Variants in SIPA1L1 observed in about 807,000 individuals in gnomAD.
SIPA1L1 encodes the protein signal-induced proliferation-associated 1-like protein 1.
A neutral mutation model predicts 162.7 loss-of-function variants in SIPA1L1; 26 were observed. That is an observed-to-expected ratio of 0.16 (90% CI 0.12 to 0.22). The LOEUF is 0.22. Among genes scored for constraint, SIPA1L1 ranks in the 10% least tolerant of loss-of-function variants. SIPA1L1 has a pLI of 1.00. For missense variants in SIPA1L1, 1,874 were observed against 2,241.0 expected, an observed-to-expected ratio of 0.84 and a Z score of 3.31; for synonymous variants, 829 against 837.4, an observed-to-expected ratio of 0.99 and a Z score of 0.17.
intron 5 of SIPA1L1, among the ~76,000 whole-genome samples, chr14:71,608,975 C>T (rs945223858): frequency 6.6e-6 from 1 of 152,044 alleles, no homozygotes; most frequent in Non-Finnish European, 1.5e-5. Flanking sequence ...AAAATAGAAA[C>T]TATAGAAAAT....
At chr14:71,468,827 A>T (rs1223717965) in intron 2 of SIPA1L1, among the ~76,000 whole-genome samples, 1 of 152,186 alleles carries the variant, frequency 6.6e-6, no homozygotes. Context: ...CCATCATGAA[A>T]AGTCTCAGCT....
Position 71,537,614 on chromosome 14 carries a change from C to T in SIPA1L1, c.-303+8244C>T, listed in dbSNP as rs560698720. Among the ~76,000 whole-genome samples the T allele has an allele frequency of 6.1e-4, 93 of 152,286 alleles. 2 individuals carry two copies. In the South Asian group the frequency reaches 0.017, roughly 29 times the overall value. ...TAGATAAAGTATTTTCAGTTGGCCT[C>T]CCATTCCTCCTTCTCATTCCTTCAG... On this transcript the variant is annotated intron_variant, in intron 4 of 23. Coordinates refer to ENST00000381232, the MANE Select transcript of SIPA1L1 (RefSeq NM_001386936.1).
intron 2 of SIPA1L1, among the ~76,000 whole-genome samples, chr14:71,486,891 T>G (rs958005595): frequency 2.0e-5 from 3 of 152,224 alleles, no homozygotes; most frequent in Admixed American, 1.3e-4. Context: ...TTTTCATGCT[T>G]CTTCTAAAGG....
chr14:71,321,888 G>C (rs927801217), intron 2 of SIPA1L1: 1 of 152,212 alleles, frequency 6.6e-6, no homozygotes, highest in East Asian at 1.9e-4. Flanking sequence ...AGAACAGAGA[G>C]ACATGGGAAA....
intron 4 of SIPA1L1, among the ~76,000 whole-genome samples, chr14:71,556,985 G>A (rs1281566267): frequency 6.6e-6 from 1 of 152,176 alleles, no homozygotes; most frequent in Non-Finnish European, 1.5e-5. Context: ...AAGGACAGGA[G>A]GTCAGAGAGA....
At chr14:71,622,985 A>G (rs930063822) in intron 6 of SIPA1L1, among the ~76,000 whole-genome samples, 3 of 152,018 alleles carry the variant, frequency 2.0e-5, no homozygotes, top group Admixed American at 1.3e-4. Flanking sequence ...ACCTTTGCTC[A>G]TGTTGTCTCT....
At chr14:71,375,635 C>T (rs2039303220) in intron 2 of SIPA1L1, among the ~76,000 whole-genome samples, 1 of 152,102 alleles carries the variant, frequency 6.6e-6, no homozygotes, top group African/African-American at 2.4e-5. Context: ...TGATATCAAG[C>T]ATTCTTGCTT....
chr14:71,392,227 G>A (rs1230333978), intron 2 of SIPA1L1, among the ~76,000 whole-genome samples: 2 of 152,200 alleles, frequency 1.3e-5, no homozygotes, highest in African/African-American at 4.8e-5. Context: ...TAATCTGTAG[G>A]ATGGAAGCTG....
intron 4 of SIPA1L1, among the ~76,000 whole-genome samples, chr14:71,554,381 A>G (rs1299446713): frequency 6.6e-6 from 1 of 152,196 alleles, no homozygotes. Flanking sequence ...CAGACTTAAA[A>G]ATAAAAAATA....
chr14:71,430,330 ATACT>A (rs953429943), intron 2 of SIPA1L1, among the ~76,000 whole-genome samples: 3 of 152,330 alleles, frequency 2.0e-5, no homozygotes, highest in South Asian at 2.1e-4. Flanking sequence ...AAAAACTGTA[ATACT>A]TATTTTATCA....
At chr14:71,502,167 C>A (rs1383923747) in intron 2 of SIPA1L1, among the ~76,000 whole-genome samples, 2 of 140,146 alleles carry the variant, frequency 1.4e-5, no homozygotes, top group African/African-American at 5.3e-5. Flanking sequence ...TTCTTAAAAA[C>A]CATTTTACCT....
chr14:71,346,039 C>T (rs1390642401), intron 2 of SIPA1L1, among the ~76,000 whole-genome samples: 1 of 152,076 alleles, frequency 6.6e-6, no homozygotes, highest in Non-Finnish European at 1.5e-5. Flanking sequence ...TCCCGAGTAG[C>T]TGGGACTACA....
At chr14:71,695,394 A>G (rs1160914822) in intron 13 of SIPA1L1, among the ~76,000 whole-genome samples, 1 of 152,214 alleles carries the variant, frequency 6.6e-6, no homozygotes, top group African/African-American at 2.4e-5. Context: ...TCGCTTTGGG[A>G]TAACTCCAGT....
intron 4 of SIPA1L1, among the ~76,000 whole-genome samples, chr14:71,554,549 A>G (rs1450298778): frequency 6.6e-6 from 1 of 152,160 alleles, no homozygotes; most frequent in Non-Finnish European, 1.5e-5. Flanking sequence ...CTTGAGTAAC[A>G]CTTCCCACAG....
chr14:71,728,070 C>G (rs969097173), intron 19 of SIPA1L1, among the ~76,000 whole-genome samples: 1 of 152,162 alleles, frequency 6.6e-6, no homozygotes, highest in Non-Finnish European at 1.5e-5. Flanking sequence ...ACCTGTAAAA[C>G]CATCAGGCTG....
chr14:71,616,551 C>T (rs1192566389), intron 5 of SIPA1L1, among the ~76,000 whole-genome samples: 1 of 149,754 alleles, frequency 6.7e-6, no homozygotes, highest in Non-Finnish European at 1.5e-5. Flanking sequence ...CATCAAGGTA[C>T]CTGAGTCCCT....
At chr14:71,474,925 T>C (rs1236685949) in intron 2 of SIPA1L1, among the ~76,000 whole-genome samples, 3 of 152,202 alleles carry the variant, frequency 2.0e-5, no homozygotes, top group African/African-American at 7.2e-5. Context: ...ACATTTTGTG[T>C]GTGTAGGTGT....
At chr14:71,363,716 A>G (rs371501752) in intron 2 of SIPA1L1, among the ~76,000 whole-genome samples, 2 of 152,250 alleles carry the variant, frequency 1.3e-5, no homozygotes, top group African/African-American at 2.4e-5. Flanking sequence ...GATGACTCCT[A>G]TAGCAGATTT....
intron 5 of SIPA1L1, among the ~76,000 whole-genome samples, chr14:71,618,448 A>G (rs972015432): frequency 5.3e-5 from 8 of 152,248 alleles, no homozygotes; most frequent in Non-Finnish European, 1.2e-4. Context: ...GTGTGCACAA[A>G]TGTAGCCTAT....
Sources: allele counts gnomAD v4.1 joint callset (sites outside exome capture counted in the v4.1 genomes callset), GRCh38; gene constraint gnomAD v4.1.1; transcripts MANE v1.5; gene names NCBI Gene and HGNC (gene_info 2026-07-23, HGNC 2026-07-21).